Variants in CDC40 observed in about 807,000 individuals in gnomAD.
The protein encoded by CDC40 is pre-mRNA-processing factor 17.
Under a neutral mutation model 80.6 loss-of-function variants are expected in CDC40, and 27 were observed. That is an observed-to-expected ratio of 0.33 (90% CI 0.25 to 0.46). The LOEUF is 0.46. CDC40 is among the 20% of genes least tolerant of loss of function. The probability of loss-of-function intolerance (pLI) is 1.00; values close to 1 mark genes in which losing one functional copy is unlikely to be tolerated. For synonymous variants in CDC40, 221 were observed against 232.6 expected (o/e 0.95, Z 0.45); for missense variants, 486 against 694.1 (o/e 0.70, Z 3.37).
intron 9 of CDC40, among the ~76,000 whole-genome samples, chr6:110,217,424 TAAAAG>T (rs1165049878): frequency 3.3e-5 from 5 of 152,142 alleles, no homozygotes; most frequent in South Asian, 2.1e-4. Flanking sequence ...ATGGCAGACT[TAAAAG>T]AAAAGTTAAA....
intron 12 of CDC40, among the ~76,000 whole-genome samples, chr6:110,222,750 A>G (rs1415983953): frequency 6.6e-6 from 1 of 152,196 alleles, no homozygotes; most frequent in Non-Finnish European, 1.5e-5. Flanking sequence ...CAAGTTCTTA[A>G]CCATGAGAGA....
At chr6:110,181,728 TCTC>T (rs1777197945) in intron 1 of CDC40, among the ~76,000 whole-genome samples, 1 of 152,174 alleles carries the variant, frequency 6.6e-6, no homozygotes, top group Non-Finnish European at 1.5e-5. Context: ...CGTCTCATTT[TCTC>T]CTCAACCCAA....
At chr6:110,201,503 C>G in intron 2 of CDC40, 55 bp from the exon 3 acceptor site, 2 of 1,376,658 alleles carry the variant, frequency 1.5e-6, no homozygotes, top group Non-Finnish European at 2.0e-6. Context: ...TCCATATACT[C>G]AGAACTTTTG....
intron 5 of CDC40, among the ~76,000 whole-genome samples, chr6:110,210,339 C>T (rs1319920964): frequency 1.3e-5 from 2 of 151,624 alleles, no homozygotes; most frequent in Non-Finnish European, 2.9e-5. Flanking sequence ...TGCCAGAGCT[C>T]AGGAGTTCGA....
At chr6:110,196,545 A>G (rs192441910) in intron 2 of CDC40, among the ~76,000 whole-genome samples, 80 of 152,242 alleles carry the variant, frequency 5.3e-4, no homozygotes, top group Admixed American at 5.2e-3. Context: ...AGAATTCCAG[A>G]CTCTTTAAAA....
intron 8 of CDC40, among the ~76,000 whole-genome samples, chr6:110,214,378 T>C (rs1163930022): frequency 2.0e-5 from 3 of 152,308 alleles, no homozygotes; most frequent in Middle Eastern, 3.4e-3. Flanking sequence ...TATAAATGAT[T>C]ATTATAGAGG....
chr6:110,213,387 G>GTTTTTTTTTTTTTTTTTT (rs925612659), intron 8 of CDC40, among the ~76,000 whole-genome samples: 1 of 147,380 alleles, frequency 6.8e-6, no homozygotes, highest in African/African-American at 2.5e-5. Flanking sequence ...TTTGTTTTTT[G>GTTTTTTTTTTTTTTTTTT]TTTTTTTGTT....
intron 10 of CDC40, among the ~76,000 whole-genome samples, 166 bp downstream of exon 10, chr6:110,217,969 A>G (rs1341719896): frequency 1.3e-5 from 2 of 152,262 alleles, no homozygotes; most frequent in Non-Finnish European, 2.9e-5. Flanking sequence ...GAAACTGAGC[A>G]TGAGTAGCTC....
At chr6:110,195,725 G>A (rs557366162) in intron 2 of CDC40, among the ~76,000 whole-genome samples, 27 of 152,106 alleles carry the variant, frequency 1.8e-4, no homozygotes, top group Admixed American at 3.3e-4. Flanking sequence ...GAGACTTCAA[G>A]AAGAGAACAA....
intron 14 of CDC40, 84 bp downstream of exon 14, chr6:110,229,060 C>G (rs574243073): frequency 1.9e-6 from 2 of 1,059,264 alleles, no homozygotes; most frequent in East Asian, 5.4e-5. Context: ...TGACACATCA[C>G]TCTCACATAA....
intron 2 of CDC40, among the ~76,000 whole-genome samples, chr6:110,197,835 A>G (rs1777438414): frequency 6.6e-6 from 1 of 152,154 alleles, no homozygotes; most frequent in Admixed American, 6.5e-5. Context: ...TCAAACATTG[A>G]CAGCCATTTA....
intron 1 of CDC40, among the ~76,000 whole-genome samples, chr6:110,187,661 G>A (rs1777292229): frequency 6.6e-6 from 1 of 152,136 alleles, no homozygotes; most frequent in Admixed American, 6.5e-5. Context: ...TTTGTGATCT[G>A]CTTTACAGTT....
rs763115923 is a variant in CDC40 at position 110,226,287 on chromosome 6, T to C, written c.1417+44T>C. 4 of 1,211,508 alleles carry C rather than the reference T, an allele frequency of 3.3e-6. No homozygotes were observed. The South Asian group carries it at 3.9e-5, about 12-fold the overall frequency. 75.0% of individuals were successfully genotyped at this position (1,211,508 alleles called of 1,614,324 possible). ...TGTATTTTTAAATGAGCTTCTAAGA[T>C]ACAGTGTGATTTCTTTATTCAAAAG... On this transcript the variant is annotated intron_variant, in intron 13 of 14. Coordinates refer to ENST00000307731, the MANE Select transcript of CDC40 (RefSeq NM_015891.3).
chr6:110,200,366 G>A (rs561819384), intron 2 of CDC40, among the ~76,000 whole-genome samples: 112 of 152,242 alleles, frequency 7.4e-4, no homozygotes, highest in African/African-American at 2.5e-3. Context: ...GAAATGTATC[G>A]TAGAAGAGAT....
intron 8 of CDC40, among the ~76,000 whole-genome samples, chr6:110,214,640 A>G (rs1346595777): frequency 6.6e-6 from 1 of 152,340 alleles, no homozygotes; most frequent in East Asian, 1.9e-4. Context: ...ACTGTGTCCT[A>G]TTGGCACCAG....
At chr6:110,220,489 A>G (rs1248725893) in intron 12 of CDC40, among the ~76,000 whole-genome samples, 4 of 110,220 alleles carry the variant, frequency 3.6e-5, no homozygotes, top group Non-Finnish European at 5.1e-5. Flanking sequence ...TTGCTGTGCC[A>G]CCCAGGCTGC....
At chr6:110,219,662 C>A in intron 11 of CDC40, 74 bp from the exon 12 acceptor site, 1 of 1,503,206 alleles carries the variant, frequency 6.7e-7, no homozygotes, top group Non-Finnish European at 9.1e-7. Context: ...TCTCCTTCTC[C>A]ACTTTCCAGA....
Position 110,219,489 on chromosome 6 carries a change from T to C in CDC40, c.1206+10T>C. On this transcript the variant is annotated intron_variant, in intron 11 of 14. Transcript: ENST00000307731. Reference sequence around the variant, plus strand: ...TAAGAAGATTGTGCAAGTAAGTCTTTCACAGTATTTTGTTAAGACTCCTAA... The same window carrying C: ...TAAGAAGATTGTGCAAGTAAGTCTTCCACAGTATTTTGTTAAGACTCCTAA... The C allele has an allele frequency of 6.9e-7, 1 of 1,455,816 alleles. No homozygotes were observed. The highest frequency in any genetic ancestry group is 9.6e-7 in the Non-Finnish European group (1 of 1,036,294). The allele number at this position is 1,455,816 out of a possible 1,614,324, so 90.2% of individuals were successfully genotyped here.
intron 1 of CDC40, among the ~76,000 whole-genome samples, chr6:110,182,736 A>C (rs1476556095): frequency 2.0e-5 from 3 of 152,150 alleles, no homozygotes; most frequent in Non-Finnish European, 2.9e-5. Flanking sequence ...ATATTCATCA[A>C]ATCTCTCTCT....
Sources: allele counts gnomAD v4.1 joint callset (sites outside exome capture counted in the v4.1 genomes callset), GRCh38; gene constraint gnomAD v4.1.1; transcripts MANE v1.5; gene names NCBI Gene and HGNC (gene_info 2026-07-23, HGNC 2026-07-21).